TMEM170B: variants seen among roughly 807,000 people sequenced by gnomAD.
TMEM170B encodes transmembrane protein 170B.
A neutral mutation model predicts 13.0 loss-of-function variants in TMEM170B; 6 were observed. That is an observed-to-expected ratio of 0.46 (90% CI 0.25 to 0.91). The LOEUF (loss-of-function observed/expected upper bound fraction) is 0.91, where lower values mean the gene tolerates loss of function less well. Ranked by LOEUF, TMEM170B falls within the 40% of genes least tolerant of loss-of-function variation. The pLI is 0.17. For synonymous variants in TMEM170B, 61 were observed against 64.9 expected (o/e 0.94, Z 0.29); for missense variants, 138 against 165.2 (o/e 0.84, Z 0.90).
chr6:11,563,124 G>A (rs1370632936), intron 1 of TMEM170B, among the ~76,000 whole-genome samples: 1 of 152,110 alleles, frequency 6.6e-6, no homozygotes. Flanking sequence ...ATCACCTGAG[G>A]TCGGGAGTTT....
Position 11,583,511 on chromosome 6 carries a change from C to T in TMEM170B, c.*7950C>T, listed in dbSNP as rs1759985114. The T allele has an allele frequency of 6.6e-6, 1 of 152,120 alleles. No homozygotes were observed. Among genetic ancestry groups the T allele is most frequent in the African/African-American group, 2.4e-5 (1 of 41,412 alleles). 9.4% of individuals were successfully genotyped at this position (152,120 alleles called of 1,614,324 possible). A position where few individuals can be genotyped will look rare whatever the true frequency, so the allele number is the denominator to read the frequency against. ...TGCACTTATATATAAATAAACCTGT[C>T]TTTGAAAGCTTTATGGGGTGTTTGA... On this transcript the variant is annotated 3_prime_UTR_variant, in exon 3 of 3. Transcript: ENST00000379426.
chr6:11,582,191 G>A lies in TMEM170B; in HGVS notation c.*6630G>A, dbSNP rs925105504. The A allele has an allele frequency of 1.3e-5, 2 of 152,140 alleles. No individual in the cohort carries two copies. The highest frequency in any genetic ancestry group is 2.9e-5 in the Non-Finnish European group (2 of 68,018). 9.4% of individuals were successfully genotyped at this position (152,140 alleles called of 1,614,324 possible). ...TAGCTAAAATGTCTTTATTTAAATAGCAAAAATATAGTTTACCTGACAAGT... is the reference window on the plus strand; with the variant it reads ...TAGCTAAAATGTCTTTATTTAAATAACAAAAATATAGTTTACCTGACAAGT... On this transcript the variant is annotated 3_prime_UTR_variant, in exon 3 of 3. Transcript: ENST00000379426.
chr6:11,573,859 G>A (rs754281223), intron 2 of TMEM170B, among the ~76,000 whole-genome samples: 1 of 152,074 alleles, frequency 6.6e-6, no homozygotes, highest in Non-Finnish European at 1.5e-5. Context: ...CAAAGGTGTA[G>A]GATACTTAAT....
At chr6:11,545,280 C>CTCTCTCTCTGTGTGTGTGTG (rs1442789332) in intron 1 of TMEM170B, among the ~76,000 whole-genome samples, 3 of 139,736 alleles carry the variant, frequency 2.1e-5, no homozygotes, top group Admixed American at 7.1e-5. Context: ...CTCTCTCTCT[C>CTCTCTCTCTGTGTGTGTGTG]TGTGTGTGTG....
At chr6:11,566,058 AG>A (rs1466977718) in intron 2 of TMEM170B, among the ~76,000 whole-genome samples, 9 of 152,300 alleles carry the variant, frequency 5.9e-5, no homozygotes, top group African/African-American at 2.2e-4. Context: ...CAAGGTTTTG[AG>A]GGAAATAGAA....
chr6:11,574,934 A>G (rs770494753), intron 2 of TMEM170B, among the ~76,000 whole-genome samples: 2 of 152,156 alleles, frequency 1.3e-5, no homozygotes, highest in Non-Finnish European at 2.9e-5. Flanking sequence ...GTCAGGTATT[A>G]TATTTTACAT....
chr6:11,549,060 AC>A (rs1426406601), intron 1 of TMEM170B, among the ~76,000 whole-genome samples: 2 of 152,182 alleles, frequency 1.3e-5, no homozygotes, highest in Non-Finnish European at 2.9e-5. Flanking sequence ...GTACCCTAGA[AC>A]TTAAAGTATA....
At chr6:11,564,840 G>T (rs1164152912) in intron 1 of TMEM170B, among the ~76,000 whole-genome samples, 1 of 152,206 alleles carries the variant, frequency 6.6e-6, no homozygotes, top group Non-Finnish European at 1.5e-5. Flanking sequence ...CAATCCAGAA[G>T]TCCCAGGGGA....
chr6:11,565,559 T>C, intron 1 of TMEM170B, 107 bp from the exon 2 acceptor site: 3 of 1,137,778 alleles, frequency 2.6e-6, no homozygotes, highest in South Asian at 1.4e-5. Context: ...CATTTTTCTA[T>C]GTATTATGTC....
At position 11,581,173 on chromosome 6, in the gene TMEM170B, G is replaced by T. The variant is rs1759951437; in HGVS notation, c.*5612G>T. The T allele has an allele frequency of 1.3e-5, 2 of 152,162 alleles. No individual in the cohort carries two copies. The highest frequency in any genetic ancestry group is 2.4e-5 in the African/African-American group (1 of 41,438). The allele number at this position is 152,162 out of a possible 1,614,324, so 9.4% of individuals were successfully genotyped here. On this transcript the variant is annotated 3_prime_UTR_variant, in exon 3 of 3. Coordinates refer to ENST00000379426, the MANE Select transcript of TMEM170B (RefSeq NM_001100829.3). ...CTCTTCCCCTGAGTTTAGGGAAGTT[G>T]TTTTCACATTCTTTACATTTATTGC...
At chr6:11,567,312 C>A (rs543226059) in intron 2 of TMEM170B, among the ~76,000 whole-genome samples, 39 of 152,348 alleles carry the variant, frequency 2.6e-4, no homozygotes, top group African/African-American at 9.1e-4. Flanking sequence ...GTGTCTGTTG[C>A]CCTTCACGTC....
rs889883478 is a variant in TMEM170B at position 11,575,940 on chromosome 6, AT to A, written c.*381del. 17 of 161,440 alleles carry A rather than the reference AT, an allele frequency of 1.1e-4. No homozygotes were observed. Among genetic ancestry groups the A allele is most frequent in the African/African-American group, 3.6e-4 (15 of 41,832 alleles). 10.0% of individuals were successfully genotyped at this position (161,440 alleles called of 1,614,324 possible). Reference sequence around the variant, plus strand: ...GCCAAACTCTTTTCTTTTTGTTAACATTGATCATGTGACAATTTGCAAGTGT... The same window carrying A: ...GCCAAACTCTTTTCTTTTTGTTAACATGATCATGTGACAATTTGCAAGTGT... On this transcript the variant is annotated 3_prime_UTR_variant, in exon 3 of 3. Transcript: ENST00000379426. This position sits in a 1 kb window ranked among gnomAD's most constrained non-coding sequence, Gnocchi z 4.1.
At chr6:11,553,585 T>C (rs974322865) in intron 1 of TMEM170B, among the ~76,000 whole-genome samples, 2 of 152,174 alleles carry the variant, frequency 1.3e-5, no homozygotes, top group African/African-American at 2.4e-5. Context: ...CCCAGGCCTG[T>C]TTCCTCACTT....
chr6:11,548,730 A>G (rs1379224144), intron 1 of TMEM170B, among the ~76,000 whole-genome samples: 1 of 152,196 alleles, frequency 6.6e-6, no homozygotes, highest in Non-Finnish European at 1.5e-5. Flanking sequence ...ACACCATGGA[A>G]TACTATGCAG....
At chr6:11,554,874 T>C (rs1483344142) in intron 1 of TMEM170B, among the ~76,000 whole-genome samples, 2 of 152,194 alleles carry the variant, frequency 1.3e-5, no homozygotes, top group Admixed American at 1.3e-4. Flanking sequence ...TTAAATGTGG[T>C]TGCCAGTTGA....
At chr6:11,557,926 A>T (rs1759611381) in intron 1 of TMEM170B, among the ~76,000 whole-genome samples, 1 of 152,216 alleles carries the variant, frequency 6.6e-6, no homozygotes, top group Non-Finnish European at 1.5e-5. Flanking sequence ...ATTTTTTTTA[A>T]AGTGACAGGG....
intron 2 of TMEM170B, among the ~76,000 whole-genome samples, chr6:11,566,614 T>A (rs947681790): frequency 1.2e-4 from 18 of 151,478 alleles, no homozygotes; most frequent in African/African-American, 4.4e-4. Context: ...AGAGCAGGAG[T>A]GGAATTTAAA....
At chr6:11,553,012 C>T (rs1762854994) in intron 1 of TMEM170B, among the ~76,000 whole-genome samples, 1 of 152,098 alleles carries the variant, frequency 6.6e-6, no homozygotes, top group Non-Finnish European at 1.5e-5. Context: ...GCCGCCTGGG[C>T]CCTGAACCCT....
chr6:11,553,175 T>A (rs1759547434), intron 1 of TMEM170B, among the ~76,000 whole-genome samples: 1 of 152,158 alleles, frequency 6.6e-6, no homozygotes, highest in Admixed American at 6.5e-5. Flanking sequence ...CCCATGTATG[T>A]GAAAAGTCGA....
Sources: gnomAD v4.1 joint callset for allele counts (sites outside exome capture counted in the v4.1 genomes callset) on GRCh38, gnomAD v4.1.1 for gene constraint, Gnocchi (gnomAD v3.1) non-coding constraint, MANE v1.5 for transcripts, NCBI Gene and HGNC (gene_info 2026-07-23, HGNC 2026-07-21) for gene names.